STXBP5: variants seen among roughly 807,000 people sequenced by gnomAD.
The protein encoded by STXBP5 is syntaxin binding protein 5, also known as syntaxin-binding protein 5.
In STXBP5, 50 loss-of-function variants were observed where a neutral mutation model predicts 152.4. The ratio of observed to expected loss-of-function variants is 0.33; its 90% confidence interval spans 0.26 to 0.42. The LOEUF is 0.42. Among genes scored for constraint, STXBP5 ranks in the 10% least tolerant of loss-of-function variants. The pLI, the probability that STXBP5 is intolerant of heterozygous loss-of-function variation, is 1.00. For missense variants in STXBP5, 1,167 were observed against 1,388.6 expected (o/e 0.84, Z 2.54); for synonymous variants, 492 against 494.7 (o/e 0.99, Z 0.07).
chr6:147,360,093 TGA>T (rs1363205294), intron 23 of STXBP5, among the ~76,000 whole-genome samples: 10 of 152,114 alleles, frequency 6.6e-5, no homozygotes, highest in African/African-American at 2.4e-4. Context: ...AAAACCACAA[TGA>T]GATATCATCT....
Position 147,339,040 on chromosome 6 carries a change from A to G in STXBP5, c.2147-139A>G, listed in dbSNP as rs886561311. 8.8e-6 allele frequency: 6 copies of G among 679,490 alleles called. No individual in the cohort carries two copies. The Admixed American group carries it at 9.8e-5, about 11-fold the overall frequency. 42.1% of individuals were successfully genotyped at this position (679,490 alleles called of 1,614,324 possible). Reference sequence around the variant, plus strand: ...TATAAGAACTGTTATTTACTTATACATGGCCTCTTCTTGTGGTCACTAACA... The same window carrying G: ...TATAAGAACTGTTATTTACTTATACGTGGCCTCTTCTTGTGGTCACTAACA... On this transcript the variant is annotated intron_variant, in intron 19 of 27. Coordinates refer to ENST00000321680, the MANE Select transcript of STXBP5 (RefSeq NM_001127715.4).
intron 7 of STXBP5, among the ~76,000 whole-genome samples, chr6:147,272,849 A>G (rs1723245605): frequency 6.6e-6 from 1 of 151,994 alleles, no homozygotes; most frequent in Non-Finnish European, 1.5e-5. Flanking sequence ...TGCACCCTTG[A>G]GCTTTTGTTG....
chr6:147,268,399 A>C (rs1050391627), intron 7 of STXBP5, among the ~76,000 whole-genome samples: 1 of 152,204 alleles, frequency 6.6e-6, no homozygotes, highest in Non-Finnish European at 1.5e-5. Context: ...AAAATACATC[A>C]TAATCTTAGT....
At chr6:147,371,054 CAAGTAT>C (rs1785517658) in intron 25 of STXBP5, among the ~76,000 whole-genome samples, 1 of 151,898 alleles carries the variant, frequency 6.6e-6, no homozygotes, top group Non-Finnish European at 1.5e-5. Context: ...TAAAATCAGA[CAAGTAT>C]ATTTATTTCT....
intron 9 of STXBP5, among the ~76,000 whole-genome samples, chr6:147,296,316 T>A (rs1215129937): frequency 6.6e-6 from 1 of 152,022 alleles, no homozygotes. Context: ...GGCTAAGCTG[T>A]ACTCCTCTTG....
rs144812694 is a variant in STXBP5, at chr6:147,370,571, CTG to C, written c.3082-3158_3082-3157del. On this transcript the variant is annotated intron_variant, in intron 25 of 27. Coordinates refer to ENST00000321680, the MANE Select transcript of STXBP5 (RefSeq NM_001127715.4). ...AAACACAGAGATAATTTATAATAAACTGTTTTTTTCAAATGGACTATAATATA... is the reference window on the plus strand; with the variant it reads ...AAACACAGAGATAATTTATAATAAACTTTTTTTCAAATGGACTATAATATA... Among the ~76,000 whole-genome samples, 1,124 of 152,046 alleles carry C rather than the reference CTG, an allele frequency of 7.4e-3. 9 individuals are homozygous for C. The highest frequency in any genetic ancestry group is 0.025 in the African/African-American group (1,048 of 41,498).
chr6:147,297,445 A>G (rs79601331), intron 9 of STXBP5, among the ~76,000 whole-genome samples: 13 of 152,208 alleles, frequency 8.5e-5, no homozygotes, highest in Non-Finnish European at 1.6e-4. Flanking sequence ...CTAACAAGAA[A>G]TGATTATGCT....
At chr6:147,255,471 C>A (rs1394539505) in intron 4 of STXBP5, among the ~76,000 whole-genome samples, 2 of 151,762 alleles carry the variant, frequency 1.3e-5, no homozygotes, top group East Asian at 3.9e-4. Flanking sequence ...CAAGAAAGGT[C>A]TACTTCATGA....
At chr6:147,295,571 C>A (rs1668489254) in intron 9 of STXBP5, among the ~76,000 whole-genome samples, 1 of 152,118 alleles carries the variant, frequency 6.6e-6, no homozygotes, top group African/African-American at 2.4e-5. Flanking sequence ...GTATGGCAAC[C>A]CAGGATGACG....
intron 21 of STXBP5, among the ~76,000 whole-genome samples, chr6:147,349,823 T>C (rs1784508771): frequency 6.6e-6 from 1 of 152,234 alleles, no homozygotes; most frequent in South Asian, 2.1e-4. Context: ...AACAGGTTTT[T>C]CTGTACTCAT....
intron 9 of STXBP5, among the ~76,000 whole-genome samples, chr6:147,304,356 G>A (rs1451459896): frequency 6.6e-6 from 1 of 152,198 alleles, no homozygotes; most frequent in Admixed American, 6.5e-5. Context: ...TGTTGGGTCT[G>A]CAAATACTCA....
At chr6:147,206,675 C>T (rs1332659944) in intron 2 of STXBP5, among the ~76,000 whole-genome samples, 1 of 152,058 alleles carries the variant, frequency 6.6e-6, no homozygotes, top group Non-Finnish European at 1.5e-5. Context: ...TCATAGTCTA[C>T]ATTTGTTATG....
chr6:147,240,243 T>C (rs1468152222), intron 4 of STXBP5, among the ~76,000 whole-genome samples: 2 of 152,090 alleles, frequency 1.3e-5, no homozygotes, highest in Non-Finnish European at 2.9e-5. Context: ...AGCCTGGCCT[T>C]TGTAGTACTC....
intron 21 of STXBP5, 125 bp from the exon 22 acceptor site, chr6:147,353,198 C>T (rs1307059129): frequency 7.0e-6 from 4 of 574,442 alleles, no homozygotes; most frequent in Non-Finnish European, 1.2e-5. Flanking sequence ...TAATATTACT[C>T]ATCTTTTATT....
chr6:147,285,500 T>C (rs1206729404), intron 8 of STXBP5, among the ~76,000 whole-genome samples: 2 of 152,214 alleles, frequency 1.3e-5, no homozygotes, highest in African/African-American at 4.8e-5. Context: ...TGGGTTTTTT[T>C]CAAGCAAAAT....
intron 26 of STXBP5, among the ~76,000 whole-genome samples, chr6:147,379,628 A>G (rs192803396): frequency 6.0e-4 from 91 of 152,262 alleles, no homozygotes; most frequent in African/African-American, 1.9e-3. Context: ...TTACATAGGA[A>G]TGGAGGCTCT....
chr6:147,271,113 C>A (rs1317482779), intron 7 of STXBP5, among the ~76,000 whole-genome samples: 1 of 151,994 alleles, frequency 6.6e-6, no homozygotes. Context: ...AGATTTAAAT[C>A]CAGCTATGTC....
chr6:147,264,489 T>C lies in STXBP5; in HGVS notation c.630+2136T>C, dbSNP rs570475118. ...GTTCCATAGATACAGAGCTAGACTT[T>C]GGCGGATCTGAGATTTGAAGACCAA... On this transcript the variant is annotated intron_variant, in intron 6 of 27. Transcript: ENST00000321680. Among the ~76,000 whole-genome samples, 30 of 152,278 alleles carry C rather than the reference T, an allele frequency of 2.0e-4. 1 individual carries two copies. The highest frequency in any genetic ancestry group is 1.4e-3 in the South Asian group (7 of 4,834).
chr6:147,298,169 A>G (rs1475604699), intron 9 of STXBP5, among the ~76,000 whole-genome samples: 1 of 152,130 alleles, frequency 6.6e-6, no homozygotes, highest in African/African-American at 2.4e-5. Context: ...ATTTCATGCA[A>G]ACCGAAACCA....
Sources: gnomAD v4.1 joint callset for allele counts (sites outside exome capture counted in the v4.1 genomes callset) on GRCh38, gnomAD v4.1.1 for gene constraint, MANE v1.5 for transcripts, NCBI Gene and HGNC (gene_info 2026-07-23, HGNC 2026-07-21) for gene names.